Variants in ICA1 observed in about 807,000 individuals in gnomAD.
ICA1 encodes 69 kDa islet cell autoantigen.
In ICA1, 40 loss-of-function variants were observed where a neutral mutation model predicts 71.0. That is an observed-to-expected ratio of 0.56 (90% CI 0.44 to 0.73). The LOEUF is 0.73. ICA1 is among the 30% of genes least tolerant of loss of function. The probability of loss-of-function intolerance (pLI) is 0.00; values close to 1 mark genes in which losing one functional copy is unlikely to be tolerated. For synonymous variants in ICA1, 207 were observed against 209.5 expected (o/e 0.99, Z 0.10); for missense variants, 578 against 576.5 (o/e 1.00, Z -0.03).
chr7:8,260,266 G>A (rs1811785668), intron 1 of ICA1, among the ~76,000 whole-genome samples: 1 of 152,142 alleles, frequency 6.6e-6, no homozygotes, highest in African/African-American at 2.4e-5. Context: ...AAAACGTACT[G>A]ATTTTGAAGG....
intron 4 of ICA1, among the ~76,000 whole-genome samples, chr7:8,224,762 T>C (rs978420511): frequency 6.6e-6 from 1 of 152,234 alleles, no homozygotes; most frequent in African/African-American, 2.4e-5. Context: ...TGTCCTTAGT[T>C]TCCTTAAATC....
chr7:8,260,809 G>A (rs1812050063), intron 1 of ICA1, among the ~76,000 whole-genome samples: 1 of 152,116 alleles, frequency 6.6e-6, no homozygotes, highest in Admixed American at 6.5e-5. Context: ...TTAAACAGGG[G>A]GTATGAAATT....
intron 6 of ICA1, among the ~76,000 whole-genome samples, chr7:8,206,117 C>T (rs560203782): frequency 1.3e-5 from 2 of 152,094 alleles, no homozygotes; most frequent in Non-Finnish European, 2.9e-5. Flanking sequence ...GAAAAGTTGG[C>T]TTTTTACTTT....
At chr7:8,204,331 T>C (rs1408745405) in intron 6 of ICA1, among the ~76,000 whole-genome samples, 3 of 152,252 alleles carry the variant, frequency 2.0e-5, no homozygotes, top group African/African-American at 7.2e-5. Flanking sequence ...GTTCAAATTC[T>C]AGTTCACACG....
chr7:8,186,830 G>T (rs567266516), intron 6 of ICA1, among the ~76,000 whole-genome samples: 1 of 152,120 alleles, frequency 6.6e-6, no homozygotes, highest in Admixed American at 6.5e-5. Flanking sequence ...ATGAAAACTA[G>T]TTAGAGTTGT....
Position 8,222,100 on chromosome 7 carries a change from A to G in ICA1, c.257-702T>C, listed in dbSNP as rs2192341. Among the ~76,000 whole-genome samples, 43,009 of 152,088 alleles carry G rather than the reference A, an allele frequency of 0.28. 12,222 individuals carry two copies. The highest frequency in any genetic ancestry group is 0.74 in the African/African-American group (30,501 of 41,440). ...TAAACATTTAAAAAATCATAGAATT[A>G]CATGTATCTTTGGACTCTCCATGTC... On this transcript the variant is annotated intron_variant, in intron 4 of 13. Coordinates refer to ENST00000402384, the MANE Select transcript of ICA1 (RefSeq NM_001136020.3). This position sits in a 1 kb window ranked among gnomAD's most constrained non-coding sequence, Gnocchi z 4.8.
chr7:8,221,191 A>G, intron 5 of ICA1, 84 bp downstream of exon 5: 1 of 1,553,884 alleles, frequency 6.4e-7, no homozygotes, highest in South Asian at 1.1e-5. Flanking sequence ...TCTAAAGAAC[A>G]CTGTGAGATT....
At chr7:8,236,145 C>G (rs895216725) in intron 1 of ICA1, 140 bp from the exon 2 acceptor site, 24 of 477,538 alleles carry the variant, frequency 5.0e-5, no homozygotes, top group African/African-American at 4.0e-4. Flanking sequence ...ATGCTGCACA[C>G]TGGTGATGAC....
intron 6 of ICA1, among the ~76,000 whole-genome samples, chr7:8,207,594 T>C (rs1792045868): frequency 6.6e-6 from 1 of 152,210 alleles, no homozygotes; most frequent in Non-Finnish European, 1.5e-5. Context: ...TTTTTATCAA[T>C]AACTCACTAA....
In ICA1 at chr7:8,158,560, G is replaced by A; in HGVS notation, c.672C>T (p.Cys224=). Residue 224 remains cysteine (C), a synonymous_variant, in exon 7 of 14, where the codon TGC becomes TGT. Transcript: ENST00000402384. ...QKVDLLGASR[C]NLLSHMLATY... is the part of the protein sequence containing the mutation. The stretch of plus-strand genomic sequence containing the variant: ...TTGCTAGCATGTGAGACAAGAGATT[G>A]CATCTGCTCGCTCCAAGAAGATCCA... 2 of 1,614,120 alleles carry A rather than the reference G, an allele frequency of 1.2e-6. No homozygotes were observed. Among genetic ancestry groups the A allele is most frequent in the Non-Finnish European group, 1.7e-6 (2 of 1,179,984 alleles).
At chr7:8,148,985 G>A (rs1217207704) in intron 8 of ICA1, among the ~76,000 whole-genome samples, 2 of 152,140 alleles carry the variant, frequency 1.3e-5, no homozygotes, top group Non-Finnish European at 2.9e-5. Flanking sequence ...AGGTGCAGGT[G>A]AATTCTTCAA....
At chr7:8,149,232 G>C (rs1023425115) in intron 8 of ICA1, among the ~76,000 whole-genome samples, 2 of 152,164 alleles carry the variant, frequency 1.3e-5, no homozygotes, top group African/African-American at 2.4e-5. Context: ...AAAACGTTCT[G>C]TTTCTAAACC....
At chr7:8,192,649 G>T (rs2128302675) in intron 6 of ICA1, among the ~76,000 whole-genome samples, 1 of 152,262 alleles carries the variant, frequency 6.6e-6, no homozygotes, top group Non-Finnish European at 1.5e-5. Flanking sequence ...ATTCTTGACT[G>T]AATCAATTAT....
At chr7:8,228,699 CA>C (rs1799379187) in intron 3 of ICA1, 26 bp from the exon 4 acceptor site, 3 of 1,465,698 alleles carry the variant, frequency 2.0e-6, no homozygotes, top group Non-Finnish European at 1.9e-6. Flanking sequence ...AAACAAAATG[CA>C]AAATAAAACA....
chr7:8,162,443 T>C (rs1009777282), intron 6 of ICA1, among the ~76,000 whole-genome samples: 4 of 152,226 alleles, frequency 2.6e-5, no homozygotes, highest in Admixed American at 1.3e-4. Flanking sequence ...TCATTTAATA[T>C]TTTGTGCTCC....
At chr7:8,151,191 C>G (rs749359591) in intron 8 of ICA1, among the ~76,000 whole-genome samples, 5 of 152,234 alleles carry the variant, frequency 3.3e-5, no homozygotes, top group Non-Finnish European at 7.3e-5. Context: ...ACAACCTACC[C>G]ACACAATAGT....
rs1319698577 is a variant in ICA1, at chr7:8,234,992, C to T, written c.17+918G>A. 2.6e-5 allele frequency among the ~76,000 whole-genome samples: 4 copies of T among 151,866 alleles called. No homozygotes were observed. The highest frequency in any genetic ancestry group is 4.8e-5 in the African/African-American group (2 of 41,342). On this transcript the variant is annotated intron_variant, in intron 2 of 13. Transcript: ENST00000402384. This position sits in a 1 kb window ranked among gnomAD's most constrained non-coding sequence, Gnocchi z 4.5. ...CATCCTGGCCAACATGGTGAAACCC[C>T]GTCTGTACTAAAAATACAAAAATTA...
At chr7:8,191,375 C>T (rs1195737967) in intron 6 of ICA1, among the ~76,000 whole-genome samples, 1 of 152,166 alleles carries the variant, frequency 6.6e-6, no homozygotes, top group Admixed American at 6.5e-5. Flanking sequence ...GCAAAAGCAA[C>T]ATGTATTCAG....
Position 8,223,867 on chromosome 7 carries a change from T to C in ICA1, c.257-2469A>G, listed in dbSNP as rs1797841628. On this transcript the variant is annotated intron_variant, in intron 4 of 13. Transcript: ENST00000402384. The surrounding 1 kb of genome is among the most constrained non-coding windows in gnomAD (Gnocchi z 4.1). ...GAATTCAGAGACAAAAACATTTTTA[T>C]ATTTACTTGCTAATTAGGTTTTCAG... 1.3e-5 allele frequency among the ~76,000 whole-genome samples: 2 copies of C among 152,218 alleles called. No homozygotes were observed. The highest frequency in any genetic ancestry group is 1.3e-4 in the Admixed American group (2 of 15,272).
Sources: allele counts gnomAD v4.1 joint callset (sites outside exome capture counted in the v4.1 genomes callset), GRCh38; gene constraint gnomAD v4.1.1; non-coding constraint Gnocchi (gnomAD v3.1); transcripts MANE v1.5; gene names NCBI Gene and HGNC (gene_info 2026-07-23, HGNC 2026-07-21).